Variants in CSMD2 observed in about 807,000 individuals in gnomAD.
CSMD2 encodes the protein CUB and sushi domain-containing protein 2.
A neutral mutation model predicts 398.5 loss-of-function variants in CSMD2; 130 were observed. The observed-to-expected ratio is 0.33, with a 90% CI of 0.28 to 0.38. The LOEUF is 0.38. Ranked by LOEUF, CSMD2 falls within the 10% of genes least tolerant of loss-of-function variation. The pLI is 1.00. For synonymous variants in CSMD2, 1,828 were observed against 1,908.5 expected, an observed-to-expected ratio of 0.96 and a Z score of 1.10; for missense variants, 3,829 against 4,764.9, an observed-to-expected ratio of 0.80 and a Z score of 5.78.
At chr1:34,021,949 A>C (rs1042514436) in intron 3 of CSMD2, among the ~76,000 whole-genome samples, 1 of 152,188 alleles carries the variant, frequency 6.6e-6, no homozygotes, top group Non-Finnish European at 1.5e-5. Context: ...AGTCAATGGC[A>C]TGTCACACTT....
At chr1:34,029,769 A>G (rs1320665736) in intron 3 of CSMD2, among the ~76,000 whole-genome samples, 1 of 152,222 alleles carries the variant, frequency 6.6e-6, no homozygotes, top group Non-Finnish European at 1.5e-5. Flanking sequence ...GCTCGGCTAC[A>G]GCAATCTGTT....
At position 33,514,156 on chromosome 1, in the gene CSMD2, G is replaced by C. The variant is rs1653546790; in HGVS notation, c.*2468C>G. 6.6e-6 allele frequency: 1 copy of C among 152,256 alleles called. No individual in the cohort carries two copies. Among genetic ancestry groups the C allele is most frequent in the African/African-American group, 2.4e-5 (1 of 41,326 alleles). 9.4% of individuals were successfully genotyped at this position (152,256 alleles called of 1,614,324 possible). A position where few individuals can be genotyped will look rare whatever the true frequency, so the allele number is the denominator to read the frequency against. ...GTATATACTGCAGACAAGCCAAGAA[G>C]GTGTGTAGATTACATATTTACAGCA... On this transcript the variant is annotated 3_prime_UTR_variant, in exon 71 of 71. Transcript: ENST00000373381.
intron 3 of CSMD2, among the ~76,000 whole-genome samples, chr1:33,972,132 G>C (rs1645794354): frequency 6.6e-6 from 1 of 152,112 alleles, no homozygotes; most frequent in Admixed American, 6.5e-5. Flanking sequence ...ACTCCCTGGG[G>C]ACTTCTGGAC....
chr1:34,075,838 T>C (rs532759606), intron 2 of CSMD2, among the ~76,000 whole-genome samples: 1 of 152,324 alleles, frequency 6.6e-6, no homozygotes, highest in South Asian at 2.1e-4. Context: ...CAGTAATTCA[T>C]CCAGGCAGGG....
At chr1:33,744,603 A>G (rs1222664730) in intron 13 of CSMD2, among the ~76,000 whole-genome samples, 1 of 152,190 alleles carries the variant, frequency 6.6e-6, no homozygotes, top group Non-Finnish European at 1.5e-5. Flanking sequence ...AAATACTAAA[A>G]CAAAATTATA....
intron 44 of CSMD2, among the ~76,000 whole-genome samples, chr1:33,593,992 AAAGAT>A (rs1216924287): frequency 1.3e-5 from 2 of 152,212 alleles, no homozygotes; most frequent in East Asian, 3.8e-4. Context: ...CACCGTCACA[AAAGAT>A]AAGGACATTC....
chr1:34,165,384 G>T, upstream of CSMD2: 1 of 1,081,372 alleles, frequency 9.2e-7, no homozygotes, highest in Non-Finnish European at 1.2e-6. Context: ...CGCTCCAAAT[G>T]CTGGGGGTGG....
At chr1:34,071,381 G>A (rs942203323) in intron 2 of CSMD2, among the ~76,000 whole-genome samples, 11 of 152,212 alleles carry the variant, frequency 7.2e-5, no homozygotes, top group African/African-American at 2.4e-4. Flanking sequence ...GGGGCAACTG[G>A]TGCAGTAATA....
intron 3 of CSMD2, among the ~76,000 whole-genome samples, chr1:33,975,431 T>G (rs992487966): frequency 6.6e-6 from 1 of 151,484 alleles, no homozygotes; most frequent in Admixed American, 6.6e-5. Flanking sequence ...AATAAATGAA[T>G]AGATCCCTTT....
chr1:33,611,516 GA>G lies in CSMD2; in HGVS notation c.6134-267del, dbSNP rs1352016930. Among the ~76,000 whole-genome samples, 8 of 152,314 alleles carry G rather than the reference GA, an allele frequency of 5.3e-5. No individual in the cohort carries two copies. In the East Asian group the frequency reaches 1.5e-3, roughly 29 times the overall value. On this transcript the variant is annotated intron_variant, in intron 40 of 70. Transcript: ENST00000373381. Reference sequence around the variant, plus strand: ...CCACTGGAGTTCATTTTATTTTGTTGAAAACAAAGTTCAGGGTCAACACTTG... The same window carrying G: ...CCACTGGAGTTCATTTTATTTTGTTGAAACAAAGTTCAGGGTCAACACTTG...
At chr1:33,859,839 A>G (rs6425853) in intron 5 of CSMD2, among the ~76,000 whole-genome samples, 15,097 of 152,262 alleles carry the variant, frequency 0.099, 782 homozygotes, top group Middle Eastern at 0.24. Context: ...AGATATGCTA[A>G]GAGCATATGC....
chr1:33,984,044 C>T (rs566989783), intron 3 of CSMD2, among the ~76,000 whole-genome samples: 1 of 152,258 alleles, frequency 6.6e-6, no homozygotes, highest in South Asian at 2.1e-4. Context: ...GTCCCAGCTA[C>T]TCGGGAGGCT....
At chr1:33,985,060 A>G (rs1646307707) in intron 3 of CSMD2, among the ~76,000 whole-genome samples, 1 of 152,184 alleles carries the variant, frequency 6.6e-6, no homozygotes, top group Admixed American at 6.5e-5. Flanking sequence ...TCCCATTGCT[A>G]TCGTACATGG....
intron 13 of CSMD2, among the ~76,000 whole-genome samples, chr1:33,759,324 C>CTTTTTTTTTTT (rs756784492): frequency 2.7e-4 from 34 of 124,740 alleles, no homozygotes; most frequent in African/African-American, 3.4e-4. Flanking sequence ...CTTTTTTTTT[C>CTTTTTTTTTTT]TTTTTTTTTT....
intron 25 of CSMD2, among the ~76,000 whole-genome samples, chr1:33,687,863 A>G: frequency 6.6e-6 from 1 of 152,200 alleles, no homozygotes; most frequent in East Asian, 1.9e-4. Context: ...CTCTATATGA[A>G]AAAGACAAAT....
chr1:33,546,464 G>C (rs764877394), intron 56 of CSMD2, among the ~76,000 whole-genome samples: 3 of 152,190 alleles, frequency 2.0e-5, no homozygotes, highest in Non-Finnish European at 4.4e-5. Flanking sequence ...CAGAGGAAAG[G>C]CTCTGTGGCC....
intron 5 of CSMD2, among the ~76,000 whole-genome samples, chr1:33,891,234 C>T (rs1207045993): frequency 5.3e-5 from 8 of 151,042 alleles, no homozygotes; most frequent in Admixed American, 3.3e-4. Flanking sequence ...AAAAAGTGGG[C>T]GAAGGACATG....
chr1:33,742,590 C>A lies in CSMD2; in HGVS notation c.2173+690G>T, dbSNP rs549728795. On this transcript the variant is annotated intron_variant, in intron 14 of 70. Transcript: ENST00000373381. ...CACCAAGCTTCTGCCCCCCCCCCCC[C>A]AACCCCCTCTGTAACCACGAGATAC... Among the ~76,000 whole-genome samples, 92 of 124,750 alleles carry A rather than the reference C, an allele frequency of 7.4e-4. 3 individuals carry two copies. The South Asian group carries it at 0.021, about 29-fold the overall frequency. 81.8% of individuals were successfully genotyped at this position (124,750 alleles called of 152,430 possible).
At position 33,724,722 on chromosome 1, in the gene CSMD2, C is replaced by T. The variant is rs1646471907; in HGVS notation, c.2696-18G>A. 6.2e-7 allele frequency: 1 copy of T among 1,610,380 alleles called. No individual in the cohort carries two copies. The highest frequency in any genetic ancestry group is 8.5e-7 in the Non-Finnish European group (1 of 1,177,662). On this transcript the variant is annotated intron_variant, in intron 17 of 70. Transcript: ENST00000373381. ...TGTTATAGCTGAAAGAGAGAGGCCACAGCTGGGACAGACAGCTTACTGTCA... is the reference window on the plus strand; with the variant it reads ...TGTTATAGCTGAAAGAGAGAGGCCATAGCTGGGACAGACAGCTTACTGTCA...
Sources: allele counts gnomAD v4.1 joint callset (sites outside exome capture counted in the v4.1 genomes callset), GRCh38; gene constraint gnomAD v4.1.1; transcripts MANE v1.5; gene names NCBI Gene and HGNC (gene_info 2026-07-23, HGNC 2026-07-21).